The following NVL variants were observed in gnomAD, a reference collection of about 807,000 sequenced individuals.
The protein encoded by NVL is nuclear VCP like.
Under a neutral mutation model 110.2 loss-of-function variants are expected in NVL, and 84 were observed. The ratio of observed to expected loss-of-function variants is 0.76; its 90% CI spans 0.64 to 0.91. The LOEUF is 0.91. Ranked by LOEUF, NVL falls within the 40% of genes least tolerant of loss-of-function variation. The probability of loss-of-function intolerance (pLI) is 0.00; values close to 1 mark genes in which losing one functional copy is unlikely to be tolerated. For synonymous variants in NVL, 354 were observed against 361.1 expected, an observed-to-expected ratio of 0.98 and a Z score of 0.22; for missense variants, 882 against 1,035.9, an observed-to-expected ratio of 0.85 and a Z score of 2.04.
At chr1:224,227,985 C>G (rs1473411226) in intron 22 of NVL, 1 of 168,170 alleles carries the variant, frequency 5.9e-6, no homozygotes, top group Non-Finnish European at 1.3e-5. Flanking sequence ...CCAGAAGAAC[C>G]AATCCTGCCC....
intron 4 of NVL, chr1:224,312,740 G>A (rs1669644992): frequency 6.7e-6 from 1 of 150,238 alleles, no homozygotes; most frequent in South Asian, 2.1e-4. Flanking sequence ...AAAATTACTT[G>A]AGCCCGGGAG....
chr1:224,253,008 T>G (rs1260724934), intron 18 of NVL, among the ~76,000 whole-genome samples: 4 of 152,124 alleles, frequency 2.6e-5, no homozygotes, highest in African/African-American at 7.2e-5. Context: ...TCACCCAAGT[T>G]GTTTCATGTG....
intron 18 of NVL, among the ~76,000 whole-genome samples, chr1:224,256,318 G>A (rs1034406446): frequency 2.0e-5 from 3 of 151,808 alleles, no homozygotes; most frequent in South Asian, 2.1e-4. Flanking sequence ...CCAGCTACTC[G>A]GGAGGCTAAG....
At chr1:224,282,747 T>C (rs139012461) in intron 15 of NVL, among the ~76,000 whole-genome samples, 2 of 152,324 alleles carry the variant, frequency 1.3e-5, no homozygotes, top group African/African-American at 4.8e-5. Context: ...CTTCTAAAAC[T>C]GGACTCCCAA....
intron 4 of NVL, among the ~76,000 whole-genome samples, chr1:224,317,043 G>T (rs1572055774): frequency 6.6e-6 from 1 of 151,584 alleles, no homozygotes; most frequent in Non-Finnish European, 1.5e-5. Flanking sequence ...GGAGGCTGAG[G>T]CAAGAGAATC....
At chr1:224,306,867 G>C (rs761005591) in intron 6 of NVL, among the ~76,000 whole-genome samples, 1 of 152,066 alleles carries the variant, frequency 6.6e-6, no homozygotes, top group Admixed American at 6.6e-5. Flanking sequence ...ATTAAGACTC[G>C]AGTTCTTGCC....
chr1:224,261,270 T>C (rs959445400), intron 18 of NVL, among the ~76,000 whole-genome samples: 1 of 152,084 alleles, frequency 6.6e-6, no homozygotes, highest in African/African-American at 2.4e-5. Flanking sequence ...CCTCCCAAAG[T>C]GCTGGGATTA....
intron 5 of NVL, among the ~76,000 whole-genome samples, chr1:224,311,117 G>T (rs746977309): frequency 4.3e-4 from 65 of 152,222 alleles, no homozygotes; most frequent in Middle Eastern, 3.4e-3. Context: ...GAGTGCAGTA[G>T]TGCAATCCCA....
At chr1:224,261,704 C>A (rs528021337) in intron 18 of NVL, among the ~76,000 whole-genome samples, 1 of 152,098 alleles carries the variant, frequency 6.6e-6, no homozygotes, top group Non-Finnish European at 1.5e-5. Flanking sequence ...GTAATCCCAG[C>A]ACATTGTGAG....
chr1:224,242,158 G>A (rs1046136228), intron 19 of NVL, among the ~76,000 whole-genome samples: 2 of 152,162 alleles, frequency 1.3e-5, no homozygotes, highest in African/African-American at 4.8e-5. Flanking sequence ...GAAGGAATGG[G>A]CAGTTTGTGT....
intron 22 of NVL, 45 bp from the exon 23 acceptor site, chr1:224,227,715 T>C: frequency 3.2e-6 from 5 of 1,584,086 alleles, no homozygotes; most frequent in Non-Finnish European, 4.3e-6. Flanking sequence ...TCACTGCTTG[T>C]TTTGGGCTGA....
intron 18 of NVL, among the ~76,000 whole-genome samples, chr1:224,256,038 AGG>A (rs1203666971): frequency 6.6e-6 from 1 of 152,218 alleles, no homozygotes; most frequent in East Asian, 1.9e-4. Context: ...AGATATGCAT[AGG>A]AATATTTCTG....
intron 2 of NVL, among the ~76,000 whole-genome samples, chr1:224,320,473 C>T (rs953622226): frequency 4.6e-5 from 7 of 152,048 alleles, no homozygotes; most frequent in Non-Finnish European, 1.0e-4. Context: ...ATGGTAAAAC[C>T]CCATCTCTAC....
At chr1:224,307,111 C>T (rs754285594) in intron 6 of NVL, among the ~76,000 whole-genome samples, 35 of 152,100 alleles carry the variant, frequency 2.3e-4, no homozygotes, top group Non-Finnish European at 4.0e-4. Flanking sequence ...TTTCAACAGT[C>T]AATATAAAAT....
chr1:224,314,630 G>T (rs887942152), intron 4 of NVL, among the ~76,000 whole-genome samples: 1 of 151,992 alleles, frequency 6.6e-6, no homozygotes, highest in Non-Finnish European at 1.5e-5. Context: ...AACTGTGGTC[G>T]AACACTAACA....
intron 19 of NVL, among the ~76,000 whole-genome samples, chr1:224,240,783 CTTTTTTTTTTTT>C (rs59138570): frequency 3.6e-5 from 3 of 82,662 alleles, no homozygotes; most frequent in African/African-American, 5.2e-5. Flanking sequence ...ACAAACTGTC[CTTTTTTTTTTTT>C]TTTTTTTTTT....
At chr1:224,255,151 G>C (rs1020685794) in intron 18 of NVL, among the ~76,000 whole-genome samples, 2 of 148,452 alleles carry the variant, frequency 1.3e-5, no homozygotes, top group African/African-American at 5.0e-5. Flanking sequence ...TTACAGGCAT[G>C]AGCCAATGTG....
At chr1:224,306,941 G>A (rs1668980747) in intron 6 of NVL, among the ~76,000 whole-genome samples, 2 of 152,148 alleles carry the variant, frequency 1.3e-5, no homozygotes, top group African/African-American at 2.4e-5. Context: ...ATTTGGAAAG[G>A]CCTATTAATA....
intron 18 of NVL, among the ~76,000 whole-genome samples, chr1:224,260,997 T>A (rs775564434): frequency 2.0e-5 from 3 of 152,178 alleles, no homozygotes; most frequent in Non-Finnish European, 2.9e-5. Context: ...TGCCTCAGCC[T>A]CCCGAGTAGC....
Sources: gnomAD v4.1 joint callset for allele counts (sites outside exome capture counted in the v4.1 genomes callset) on GRCh38, gnomAD v4.1.1 for gene constraint, MANE v1.5 for transcripts, NCBI Gene and HGNC (gene_info 2026-07-23, HGNC 2026-07-21) for gene names.